The following DOCK4 variants were observed in gnomAD, a reference collection of about 807,000 sequenced individuals.
DOCK4 encodes dedicator of cytokinesis protein 4.
In DOCK4, 97 loss-of-function variants were observed where a neutral mutation model predicts 268.1. The observed-to-expected ratio is 0.36, with a 90% CI of 0.31 to 0.43. The LOEUF (loss-of-function observed/expected upper bound fraction) is 0.43, where lower values mean the gene tolerates loss of function less well. Among genes scored for constraint, DOCK4 ranks in the 20% least tolerant of loss-of-function variants. DOCK4 has a pLI of 1.00. For missense variants in DOCK4, 2,145 were observed against 2,455.7 expected (o/e 0.87, Z 2.67); for synonymous variants, 954 against 887.2 (o/e 1.08, Z -1.34).
intron 1 of DOCK4, among the ~76,000 whole-genome samples, chr7:112,185,817 C>T (rs1263429290): frequency 6.6e-6 from 1 of 152,222 alleles, no homozygotes; most frequent in African/African-American, 2.4e-5. Flanking sequence ...TCTTAAACTG[C>T]CTTTCCTAAG....
chr7:111,848,388 C>T (rs1034927767), intron 23 of DOCK4, among the ~76,000 whole-genome samples: 3 of 152,194 alleles, frequency 2.0e-5, no homozygotes, highest in African/African-American at 4.8e-5. Flanking sequence ...TTGGTGAAAG[C>T]GATGCTACTG....
chr7:111,960,575 T>C (rs1796799800), intron 8 of DOCK4, among the ~76,000 whole-genome samples: 1 of 142,912 alleles, frequency 7.0e-6, no homozygotes, highest in African/African-American at 2.6e-5. Flanking sequence ...AAATCTACTC[T>C]CTTAGCAATG....
intron 1 of DOCK4, among the ~76,000 whole-genome samples, chr7:112,070,175 A>C (rs1807457882): frequency 6.6e-6 from 1 of 152,204 alleles, no homozygotes; most frequent in South Asian, 2.1e-4. Flanking sequence ...GGAAATCTTC[A>C]GGCCAAATGA....
At chr7:111,849,539 T>G (rs1563587844) in intron 23 of DOCK4, among the ~76,000 whole-genome samples, 1 of 151,984 alleles carries the variant, frequency 6.6e-6, no homozygotes, top group African/African-American at 2.4e-5. Context: ...CTGGGATTAC[T>G]TTTTTCTTTA....
intron 1 of DOCK4, among the ~76,000 whole-genome samples, chr7:112,013,830 C>T (rs949966306): frequency 6.9e-6 from 1 of 145,176 alleles, no homozygotes; most frequent in African/African-American, 2.9e-5. Context: ...TAAGTCCCTC[C>T]ATCCTCAAGG....
intron 1 of DOCK4, among the ~76,000 whole-genome samples, chr7:112,091,345 G>A (rs1163067860): frequency 6.6e-6 from 1 of 152,148 alleles, no homozygotes; most frequent in Non-Finnish European, 1.5e-5. Flanking sequence ...TTGGGGGTAG[G>A]TCAGGCAGAG....
chr7:111,812,042 C>T (rs796383129), intron 27 of DOCK4, 93 bp from the exon 28 acceptor site: 2 of 642,800 alleles, frequency 3.1e-6, no homozygotes, highest in African/African-American at 3.7e-5. Flanking sequence ...AAAATAAAAC[C>T]TTCTTCAGTA....
chr7:111,900,606 C>G, intron 14 of DOCK4, 70 bp from the exon 15 acceptor site: 3 of 1,479,128 alleles, frequency 2.0e-6, no homozygotes, highest in Non-Finnish European at 2.7e-6. Flanking sequence ...GCAGAGCAAT[C>G]ACTTTGCTCT....
chr7:111,972,102 G>A (rs995663353), intron 8 of DOCK4: 1 of 152,684 alleles, frequency 6.5e-6, no homozygotes, highest in Non-Finnish European at 1.5e-5. Flanking sequence ...CAATTTCTGA[G>A]GCCCTATATC....
chr7:111,974,257 A>G (rs1364013127), intron 8 of DOCK4, among the ~76,000 whole-genome samples: 1 of 151,814 alleles, frequency 6.6e-6, no homozygotes, highest in Non-Finnish European at 1.5e-5. Flanking sequence ...GAAAACAATC[A>G]CTGTGTGGCC....
At chr7:112,026,587 C>T (rs771826497) in intron 1 of DOCK4, among the ~76,000 whole-genome samples, 9 of 152,262 alleles carry the variant, frequency 5.9e-5, no homozygotes, top group Admixed American at 3.3e-4. Flanking sequence ...AATTCTTCCA[C>T]AAAATTTTAA....
intron 1 of DOCK4, among the ~76,000 whole-genome samples, chr7:112,185,017 A>G (rs1041010654): frequency 6.6e-6 from 1 of 152,254 alleles, no homozygotes; most frequent in African/African-American, 2.4e-5. Flanking sequence ...CCCTCTTTAC[A>G]GAACAGGAAA....
chr7:111,971,516 C>T (rs1049272485), intron 8 of DOCK4: 9 of 192,174 alleles, frequency 4.7e-5, no homozygotes, highest in South Asian at 1.8e-4. Context: ...GGCAGGAAGA[C>T]GATTAGTTCA....
chr7:112,185,184 A>C (rs916260021), intron 1 of DOCK4, among the ~76,000 whole-genome samples: 2 of 152,234 alleles, frequency 1.3e-5, no homozygotes, highest in African/African-American at 2.4e-5. Flanking sequence ...TTGGGAGTGC[A>C]GCATTGAAGT....
intron 1 of DOCK4, among the ~76,000 whole-genome samples, chr7:112,159,980 T>C (rs1322239963): frequency 6.6e-6 from 1 of 152,000 alleles, no homozygotes; most frequent in Non-Finnish European, 1.5e-5. Flanking sequence ...CCAAAATTTC[T>C]GGAGTACCAA....
chr7:111,846,527 T>A (rs1156973630), intron 24 of DOCK4, among the ~76,000 whole-genome samples: 2 of 152,218 alleles, frequency 1.3e-5, no homozygotes, highest in African/African-American at 4.8e-5. Flanking sequence ...GGCCAAGTAA[T>A]GGTTATACTG....
intron 27 of DOCK4, among the ~76,000 whole-genome samples, chr7:111,815,889 T>C (rs1801511439): frequency 6.6e-6 from 1 of 152,134 alleles, no homozygotes; most frequent in Non-Finnish European, 1.5e-5. Flanking sequence ...CAGGCTGGTC[T>C]CGAACTCCTG....
At chr7:111,953,123 A>G (rs1796185886) in intron 8 of DOCK4, among the ~76,000 whole-genome samples, 1 of 151,974 alleles carries the variant, frequency 6.6e-6, no homozygotes, top group African/African-American at 2.4e-5. Flanking sequence ...AGTACTCAGG[A>G]GACACAGGTG....
chr7:111,908,739 C>T (rs1401277871), intron 13 of DOCK4, among the ~76,000 whole-genome samples: 1 of 152,020 alleles, frequency 6.6e-6, no homozygotes, highest in South Asian at 2.1e-4. Flanking sequence ...TGATGTTCCC[C>T]TCCCGGTGTC....
Sources: allele counts gnomAD v4.1 joint callset (sites outside exome capture counted in the v4.1 genomes callset), GRCh38; gene constraint gnomAD v4.1.1; transcripts MANE v1.5; gene names NCBI Gene and HGNC (gene_info 2026-07-23, HGNC 2026-07-21).